The following AKAP7 variants were observed in gnomAD, a reference collection of about 807,000 sequenced individuals.
AKAP7 encodes the protein A-kinase anchoring protein 7.
A neutral mutation model predicts 39.5 loss-of-function variants in AKAP7; 39 were observed. That is an observed-to-expected ratio of 0.99 (90% CI 0.76 to 1.29). The LOEUF (loss-of-function observed/expected upper bound fraction) is 1.29. Ranked by LOEUF, AKAP7 falls within the 50% of genes most tolerant of loss-of-function variation. The pLI is 0.00. For synonymous variants in AKAP7, 140 were observed against 139.1 expected (o/e 1.01, Z -0.05); for missense variants, 414 against 407.7 (o/e 1.02, Z -0.13).
chr6:131,135,731 A>AGCCCAGACGCGCCGCCC lies in AKAP7; in HGVS notation c.-30_-14dup. The AGCCCAGACGCGCCGCCC allele has an allele frequency of 3.3e-6, 4 of 1,213,102 alleles. No individual in the cohort carries two copies. The allele number at this position is 1,213,102 out of a possible 1,614,324, so 75.1% of individuals were successfully genotyped here. On this transcript the variant is annotated 5_prime_UTR_variant, in exon 1 of 8. Coordinates refer to ENST00000431975, the MANE Select transcript of AKAP7 (RefSeq NM_016377.4). ...GCGGCCCGCCACCGCCGCTGCCGCC[A>AGCCCAGACGCGCCGCCC]GCCCAGACGCGCCGCCCGCATGCGC... is the stretch of plus-strand genomic sequence containing the variant.
Position 131,281,815 on chromosome 6 carries a change from A to G in AKAP7, c.*89A>G. ...GGACTGACTTGCAGCGTGCTGTTTA[A>G]GTTAAGTTTCTCTGGTGCAATCTGT... On this transcript the variant is annotated 3_prime_UTR_variant, in exon 8 of 8. Transcript: ENST00000431975. The surrounding 1 kb of genome is among the most constrained non-coding windows in gnomAD (Gnocchi z 4.0). The G allele has an allele frequency of 7.3e-7, 1 of 1,363,080 alleles. No homozygotes were observed. The highest frequency in any genetic ancestry group is 9.5e-7 in the Non-Finnish European group (1 of 1,052,190). The allele number at this position is 1,363,080 out of a possible 1,614,324, so 84.4% of individuals were successfully genotyped here. A position where few individuals can be genotyped will look rare whatever the true frequency, so the allele number is the denominator to read the frequency against.
upstream of AKAP7, among the ~76,000 whole-genome samples, chr6:131,135,249 A>G (rs1800430845): frequency 6.6e-6 from 1 of 152,228 alleles, no homozygotes; most frequent in African/African-American, 2.4e-5. Flanking sequence ...TGGGAGGGGC[A>G]AGGCTGCGCC....
chr6:131,240,575 G>A (rs546388504), intron 7 of AKAP7, among the ~76,000 whole-genome samples: 4 of 152,322 alleles, frequency 2.6e-5, no homozygotes, highest in South Asian at 2.1e-4. Flanking sequence ...CTTCCTGGCC[G>A]CTTTGTTTAC....
intron 2 of AKAP7, among the ~76,000 whole-genome samples, chr6:131,159,301 G>A (rs1359347346): frequency 6.6e-6 from 1 of 151,968 alleles, no homozygotes; most frequent in East Asian, 2.0e-4. Flanking sequence ...CACCGTGTTA[G>A]CCAGGATGGT....
At chr6:131,145,228 T>G in intron 1 of AKAP7, 57 bp from the exon 2 acceptor site, 1 of 1,178,646 alleles carries the variant, frequency 8.5e-7, no homozygotes. Flanking sequence ...ATTTAGGATA[T>G]GTTTAAATAA....
rs1159371158 is a variant in AKAP7, at chr6:131,199,510, C to T, written c.639C>T (p.Ser213=). The change falls in exon 6 of 8, where the codon AGC becomes AGT. Residue 213 remains serine (S), a synonymous_variant. Transcript: ENST00000431975. ...AAAAAGGCATCCTGGTAGGAGAGAG[C>T]AGAAGTTTTAAACCTCATTTGACCT... ...FQEKGILVGE[S]RSFKPHLTFM... 2 of 1,611,762 alleles carry T rather than the reference C, an allele frequency of 1.2e-6. No homozygotes were observed. The highest frequency in any genetic ancestry group is 1.1e-5 in the South Asian group (1 of 90,870).
intron 7 of AKAP7, among the ~76,000 whole-genome samples, chr6:131,251,582 A>G (rs1251585141): frequency 1.3e-5 from 2 of 151,982 alleles, no homozygotes; most frequent in Non-Finnish European, 2.9e-5. Flanking sequence ...AAAAAAATAC[A>G]TATGCTATAC....
rs1038564536 is a variant in AKAP7, at chr6:131,282,233, T to C, written c.*507T>C. On this transcript the variant is annotated 3_prime_UTR_variant, in exon 8 of 8. Coordinates refer to ENST00000431975, the MANE Select transcript of AKAP7 (RefSeq NM_016377.4). ...AGTGTGCTGTTGCTATGCAGTGTGA[T>C]CTTTATTTATAGTAAATTATGTTTC... 4 of 1,343,744 alleles carry C rather than the reference T, an allele frequency of 3.0e-6. No individual in the cohort carries two copies. Among genetic ancestry groups the C allele is most frequent in the Admixed American group, 7.0e-5 (2 of 28,750 alleles). The allele number at this position is 1,343,744 out of a possible 1,614,324, so 83.2% of individuals were successfully genotyped here.
Position 131,210,606 on chromosome 6 carries a change from C to T in AKAP7, c.703-9055C>T, listed in dbSNP as rs148529112. 3.2e-3 allele frequency among the ~76,000 whole-genome samples: 490 copies of T among 152,244 alleles called. 4 individuals are homozygous for T. Among genetic ancestry groups the T allele is most frequent in the African/African-American group, 0.011 (461 of 41,518 alleles). On this transcript the variant is annotated intron_variant, in intron 6 of 7. Transcript: ENST00000431975. ...GCTGAAGACCAGAGTATGAAACTAC[C>T]TCTCTTCCTTCCTTGGGGATTGCCT... is the stretch of plus-strand genomic sequence containing the variant.
chr6:131,154,529 A>G (rs922549919), intron 2 of AKAP7, among the ~76,000 whole-genome samples: 1 of 150,834 alleles, frequency 6.6e-6, no homozygotes, highest in African/African-American at 2.4e-5. Context: ...TATATTAGAG[A>G]AAATAGGAAA....
At chr6:131,205,517 A>G (rs960484483) in intron 6 of AKAP7, among the ~76,000 whole-genome samples, 4 of 152,180 alleles carry the variant, frequency 2.6e-5, no homozygotes, top group African/African-American at 9.7e-5. Flanking sequence ...CCAAAAGCCC[A>G]GTGGGGAACT....
At position 131,180,866 on chromosome 6, in the gene AKAP7, A is replaced by G. The variant is rs57122022; in HGVS notation, c.589+11593A>G. On this transcript the variant is annotated intron_variant, in intron 5 of 7. Transcript: ENST00000431975. ...TTTTTTTTAATACTTCTCTCAATGT[A>G]TCTTCTCAGCTTTCTTCATTAGCTT... is the stretch of plus-strand genomic sequence containing the variant. Among the ~76,000 whole-genome samples, 886 of 140,420 alleles carry G rather than the reference A, an allele frequency of 6.3e-3. 14 individuals are homozygous for G. The highest frequency in any genetic ancestry group is 0.022 in the African/African-American group (854 of 38,122). The allele number at this position is 140,420 out of a possible 152,430, so 92.1% of individuals were successfully genotyped here.
intron 7 of AKAP7, 106 bp downstream of exon 7, chr6:131,219,914 A>G (rs914914179): frequency 1.1e-5 from 8 of 758,126 alleles, no homozygotes; most frequent in Non-Finnish European, 1.5e-5. Flanking sequence ...TTTCTCAATG[A>G]TATACTTTCC....
At chr6:131,182,195 A>G (rs957264806) in intron 5 of AKAP7, among the ~76,000 whole-genome samples, 2 of 152,180 alleles carry the variant, frequency 1.3e-5, no homozygotes, top group Admixed American at 1.3e-4. Flanking sequence ...ACTTTTTTTA[A>G]ACACATAGTT....
intron 5 of AKAP7, among the ~76,000 whole-genome samples, chr6:131,188,530 T>G (rs1159694219): frequency 6.8e-6 from 1 of 148,074 alleles, no homozygotes; most frequent in East Asian, 1.9e-4. Context: ...CACATTAGTT[T>G]TGTTGTTGTT....
At chr6:131,139,548 C>T (rs756575503) in intron 1 of AKAP7, among the ~76,000 whole-genome samples, 1 of 152,176 alleles carries the variant, frequency 6.6e-6, no homozygotes, top group Non-Finnish European at 1.5e-5. Context: ...TGTGCTGAGG[C>T]TGCCACTAAA....
chr6:131,233,123 G>GTA (rs1286922052), intron 7 of AKAP7, among the ~76,000 whole-genome samples: 1 of 150,742 alleles, frequency 6.6e-6, no homozygotes, highest in African/African-American at 2.4e-5. Flanking sequence ...TGGCAAATCT[G>GTA]TATAATATAG....
chr6:131,154,010 G>A lies in AKAP7; in HGVS notation c.152-6049G>A, dbSNP rs982157112. On this transcript the variant is annotated intron_variant, in intron 2 of 7. Transcript: ENST00000431975. ...GGATCACCTGAGGTAAGGAGTTCGA[G>A]ACCATCCTGGCCAATATGGTGAAAA... Among the ~76,000 whole-genome samples the A allele has an allele frequency of 5.3e-5, 8 of 152,210 alleles. No individual in the cohort carries two copies. In the South Asian group the frequency reaches 1.0e-3, roughly 20 times the overall value.
chr6:131,250,540 A>T (rs778384838), intron 7 of AKAP7: 3 of 1,613,976 alleles, frequency 1.9e-6, no homozygotes, highest in Non-Finnish European at 2.5e-6. Flanking sequence ...GGAGAAGAAC[A>T]CCAGGAAAGA....
Sources: allele counts gnomAD v4.1 joint callset (sites outside exome capture counted in the v4.1 genomes callset), GRCh38; gene constraint gnomAD v4.1.1; non-coding constraint Gnocchi (gnomAD v3.1); transcripts MANE v1.5; gene names NCBI Gene and HGNC (gene_info 2026-07-23, HGNC 2026-07-21).